The following FCHO2 variants were observed in gnomAD, a reference collection of about 807,000 sequenced individuals.
FCHO2 encodes F-BAR domain only protein 2.
FCHO2 carries 43 observed loss-of-function variants against 114.1 expected under a neutral mutation model. That is an observed-to-expected ratio of 0.38 (90% confidence interval 0.30 to 0.49). The LOEUF is 0.49. FCHO2 is among the 20% of genes least tolerant of loss of function. The pLI is 0.97. For synonymous variants in FCHO2, 293 were observed against 315.2 expected (o/e 0.93, Z 0.75); for missense variants, 807 against 950.4 (o/e 0.85, Z 1.98).
intron 11 of FCHO2, among the ~76,000 whole-genome samples, chr5:73,049,804 C>G (rs1757257062): frequency 6.6e-6 from 1 of 152,012 alleles, no homozygotes; most frequent in Admixed American, 6.6e-5. Context: ...TTATTTTTAT[C>G]TTTTTATTTT....
chr5:73,061,794 C>T (rs1429686616), intron 17 of FCHO2, among the ~76,000 whole-genome samples: 2 of 152,176 alleles, frequency 1.3e-5, no homozygotes, highest in East Asian at 3.9e-4. Flanking sequence ...TTTTAGGTTT[C>T]CTAATGCTTT....
chr5:73,081,918 A>G lies in FCHO2; in HGVS notation c.2116A>G (p.Ile706Val). Residue 706 changes from isoleucine (I) to valine (V), a missense_variant, in exon 23 of 26, where the codon ATA becomes GTA. Transcript: ENST00000430046. The stretch of plus-strand genomic sequence containing the variant: ...GGTGGCACCTAGTGTGCTTTCCAAC[A>G]TACAGGTGGTGGTACCAGTGGATGG... ...AMVAPSVLSN[I>V]QVVVPVDGGV... The G allele has an allele frequency of 6.2e-7, 1 of 1,611,098 alleles. No individual in the cohort carries two copies. The highest frequency in any genetic ancestry group is 1.1e-5 in the South Asian group (1 of 90,524).
chr5:73,046,572 C>T (rs1337592822), intron 11 of FCHO2, among the ~76,000 whole-genome samples: 7 of 152,036 alleles, frequency 4.6e-5, no homozygotes, highest in African/African-American at 1.7e-4. Flanking sequence ...AGACTAAATA[C>T]CTGGTGTGTT....
chr5:72,991,062 T>TA (rs984885811), intron 5 of FCHO2, among the ~76,000 whole-genome samples, 198 bp downstream of exon 5: 4 of 152,172 alleles, frequency 2.6e-5, no homozygotes, highest in African/African-American at 9.7e-5. Flanking sequence ...TAGCGAGCAC[T>TA]AAAAAACAAT....
At chr5:73,073,284 C>T (rs963715072) in intron 19 of FCHO2, among the ~76,000 whole-genome samples, 1 of 151,974 alleles carries the variant, frequency 6.6e-6, no homozygotes, top group Non-Finnish European at 1.5e-5. Context: ...ACATAAAAGC[C>T]TAATAATGTT....
chr5:73,046,828 A>G (rs1580161438), intron 11 of FCHO2, among the ~76,000 whole-genome samples: 1 of 152,154 alleles, frequency 6.6e-6, no homozygotes, highest in South Asian at 2.1e-4. Flanking sequence ...TTTTAATTCC[A>G]TCTGTTAACT....
intron 2 of FCHO2, among the ~76,000 whole-genome samples, chr5:72,971,349 C>T (rs1489103956): frequency 6.6e-6 from 1 of 151,640 alleles, no homozygotes; most frequent in African/African-American, 2.4e-5. Flanking sequence ...TCTCCACATC[C>T]TCTCCAGCAC....
chr5:73,063,701 A>G, intron 17 of FCHO2, 140 bp from the exon 18 acceptor site: 1 of 705,658 alleles, frequency 1.4e-6, no homozygotes, highest in Non-Finnish European at 2.5e-6. Context: ...ATATTTCAAC[A>G]TCTATAATTA....
chr5:72,988,742 A>C lies in FCHO2; in HGVS notation c.126-685A>C, dbSNP rs114445685. On this transcript the variant is annotated intron_variant, in intron 2 of 25. Coordinates refer to ENST00000430046, the MANE Select transcript of FCHO2 (RefSeq NM_138782.3). The stretch of plus-strand genomic sequence containing the variant: ...TCTTGTTCTATTAAATGTGCATCAC[A>C]GTGTTGAAGAATAATAAAACTAAGT... 4.3e-3 allele frequency among the ~76,000 whole-genome samples: 648 copies of C among 152,376 alleles called. 7 individuals are homozygous for C. Among genetic ancestry groups the C allele is most frequent in the African/African-American group, 0.015 (618 of 41,586 alleles).
At chr5:72,986,884 TC>T (rs1753549681) in intron 2 of FCHO2, among the ~76,000 whole-genome samples, 1 of 150,662 alleles carries the variant, frequency 6.6e-6, no homozygotes, top group Non-Finnish European at 1.5e-5. Flanking sequence ...CTTTTTTTTT[TC>T]TTTTTTTTTT....
At chr5:72,987,618 G>T (rs186865087) in intron 2 of FCHO2, among the ~76,000 whole-genome samples, 1 of 152,226 alleles carries the variant, frequency 6.6e-6, no homozygotes, top group Non-Finnish European at 1.5e-5. Flanking sequence ...GATTACAGGC[G>T]TGAGCCACCG....
At chr5:73,006,776 T>C (rs1197003072) in intron 6 of FCHO2, among the ~76,000 whole-genome samples, 1 of 152,152 alleles carries the variant, frequency 6.6e-6, no homozygotes, top group South Asian at 2.1e-4. Context: ...AGAGCCTGTT[T>C]AAAGGTAATT....
intron 24 of FCHO2, among the ~76,000 whole-genome samples, chr5:73,083,054 GTTTTTTTT>G (rs369631939): frequency 3.5e-5 from 5 of 143,934 alleles, no homozygotes; most frequent in Non-Finnish European, 7.7e-5. Context: ...TTGTTTGTTT[GTTTTTTTT>G]TTTAGTAGAA....
chr5:73,063,874 T>C lies in FCHO2; in HGVS notation c.1379T>C (p.Ile460Thr). ...RPTTPLSVGT[I>T]VPPPRPASRP... ...ACAACTCCTCTTTCTGTAGGCACCA[T>C]TGTCCCACCTCCGAGGCCTGCTTCC... Residue 460 changes from isoleucine to threonine, a missense_variant, in exon 18 of 26, where the codon ATT becomes ACT. Ile to Thr is a moderately conservative substitution (Grantham distance 89). Coordinates refer to ENST00000430046, the MANE Select transcript of FCHO2 (RefSeq NM_138782.3). 3 of 1,612,172 alleles carry C rather than the reference T, an allele frequency of 1.9e-6. No individual in the cohort carries two copies. The highest frequency in any genetic ancestry group is 1.7e-5 in the Admixed American group (1 of 59,768).
At chr5:72,963,906 T>G (rs868412445) in intron 1 of FCHO2, among the ~76,000 whole-genome samples, 15,097 of 125,936 alleles carry the variant, frequency 0.12, 980 homozygotes, top group East Asian at 0.35. Flanking sequence ...CTTTCAGTTT[T>G]TTTTTTTTTT....
chr5:72,995,610 C>T (rs185806453), intron 5 of FCHO2, among the ~76,000 whole-genome samples: 13 of 152,096 alleles, frequency 8.5e-5, no homozygotes, highest in South Asian at 6.2e-4. Context: ...ATGAGAAGGA[C>T]GTCCGAGGTT....
At chr5:72,958,377 G>A (rs1751670917) in intron 1 of FCHO2, among the ~76,000 whole-genome samples, 1 of 152,090 alleles carries the variant, frequency 6.6e-6, no homozygotes, top group Non-Finnish European at 1.5e-5. Context: ...CAAGGGAAAG[G>A]TATAACTTCA....
chr5:73,011,401 T>C (rs938211173), intron 6 of FCHO2, among the ~76,000 whole-genome samples: 1 of 152,244 alleles, frequency 6.6e-6, no homozygotes, highest in Non-Finnish European at 1.5e-5. Context: ...TGTACAGTTG[T>C]ACAATAGTAT....
At position 73,078,162 on chromosome 5, in the gene FCHO2, TA is replaced by T. The variant is rs748420729; in HGVS notation, c.1848-17del. ...AGATAAGTCAATAAAATAACAAATA[TA>T]TTTTTTATATATGTAGTGATCCATC... On this transcript the variant is annotated splice_polypyrimidine_tract_variant and intron_variant, in intron 21 of 25. Transcript: ENST00000430046. The T allele has an allele frequency of 1.5e-4, 222 of 1,463,084 alleles. 1 individual carries two copies. The highest frequency in any genetic ancestry group is 2.7e-5 in the Admixed American group (1 of 37,218). 90.6% of individuals were successfully genotyped at this position (1,463,084 alleles called of 1,614,324 possible).
Sources: allele counts gnomAD v4.1 joint callset (sites outside exome capture counted in the v4.1 genomes callset), GRCh38; gene constraint gnomAD v4.1.1; transcripts MANE v1.5; gene names NCBI Gene and HGNC (gene_info 2026-07-23, HGNC 2026-07-21).